The following MYO18B variants were observed in gnomAD, a reference collection of about 807,000 sequenced individuals.
MYO18B encodes unconventional myosin-XVIIIb.
In MYO18B, 204 loss-of-function variants were observed where a neutral mutation model predicts 273.0. That is an observed-to-expected ratio of 0.75 (90% CI 0.67 to 0.84). The LOEUF (loss-of-function observed/expected upper bound fraction) is 0.84. Among genes scored for constraint, MYO18B ranks in the 40% least tolerant of loss-of-function variants. The pLI, the probability that MYO18B is intolerant of heterozygous loss-of-function variation, is 0.00. For synonymous variants in MYO18B, 1,330 were observed against 1,305.7 expected (o/e 1.02, Z -0.40); for missense variants, 3,212 against 3,287.6 (o/e 0.98, Z 0.56).
At chr22:25,833,530 A>C (rs914423982) in intron 16 of MYO18B, among the ~76,000 whole-genome samples, 1 of 152,170 alleles carries the variant, frequency 6.6e-6, no homozygotes, top group African/African-American at 2.4e-5. Context: ...GCTACCCCAG[A>C]TCTGCACCTC....
chr22:25,772,563 G>T, intron 7 of MYO18B, 53 bp downstream of exon 7: 2 of 1,531,558 alleles, frequency 1.3e-6, no homozygotes, highest in Admixed American at 3.9e-5. Flanking sequence ...AGGGGGGCCT[G>T]GGGGGATCCC....
intron 39 of MYO18B, among the ~76,000 whole-genome samples, chr22:25,967,683 A>T (rs1374742067): frequency 1.3e-5 from 2 of 152,172 alleles, no homozygotes; most frequent in African/African-American, 4.8e-5. Context: ...GTTGCAAGTG[A>T]CGGAAACAAA....
chr22:25,806,081 C>T (rs2145803620), intron 12 of MYO18B, among the ~76,000 whole-genome samples: 1 of 152,326 alleles, frequency 6.6e-6, no homozygotes, highest in South Asian at 2.1e-4. Flanking sequence ...CAGGGCCTAG[C>T]ACAGGGCCTG....
intron 42 of MYO18B, among the ~76,000 whole-genome samples, chr22:26,018,366 G>A (rs562843405): frequency 1.3e-5 from 2 of 152,184 alleles, no homozygotes; most frequent in African/African-American, 4.8e-5. Flanking sequence ...TGCTGCTAAT[G>A]TCACCTCCTC....
chr22:25,871,513 A>C (rs1210711491), intron 22 of MYO18B, among the ~76,000 whole-genome samples: 1 of 152,282 alleles, frequency 6.6e-6, no homozygotes, highest in East Asian at 1.9e-4. Flanking sequence ...GATTTTTTTA[A>C]AACCTGGGCC....
chr22:25,783,724 T>A (rs529840994), intron 10 of MYO18B, among the ~76,000 whole-genome samples: 1 of 152,344 alleles, frequency 6.6e-6, no homozygotes, highest in South Asian at 2.1e-4. Flanking sequence ...GGGCCCTCCA[T>A]GCTGGTGGCA....
intron 11 of MYO18B, among the ~76,000 whole-genome samples, chr22:25,793,067 G>A (rs1372765742): frequency 1.3e-5 from 2 of 152,216 alleles, no homozygotes; most frequent in African/African-American, 4.8e-5. Context: ...TCTCTGGAAG[G>A]TGGAACAGCC....
At chr22:25,794,500 GTTTATTA>G (rs1373991651) in intron 11 of MYO18B, among the ~76,000 whole-genome samples, 1 of 149,206 alleles carries the variant, frequency 6.7e-6, no homozygotes, top group African/African-American at 2.5e-5. Context: ...TATTATTATT[GTTTATTA>G]TTTATTTATT....
chr22:25,755,402 C>G (rs1031782274), intron 1 of MYO18B, among the ~76,000 whole-genome samples: 2 of 152,206 alleles, frequency 1.3e-5, no homozygotes, highest in East Asian at 1.9e-4. Context: ...GACGAGCTTT[C>G]TCCATGTTGG....
At chr22:25,955,790 C>T (rs532062053) in intron 39 of MYO18B, among the ~76,000 whole-genome samples, 2 of 152,226 alleles carry the variant, frequency 1.3e-5, no homozygotes, top group East Asian at 1.9e-4. Context: ...AGAATTATTG[C>T]CCCCATTTCA....
the MYO18B span, among the ~76,000 whole-genome samples, chr22:26,037,519 G>A: frequency 1.3e-5 from 2 of 152,066 alleles, no homozygotes; most frequent in Non-Finnish European, 1.5e-5. Context: ...CTGGTTGTCC[G>A]GCCAGTACAG....
At chr22:25,773,195 T>C (rs1485410025) in intron 7 of MYO18B, among the ~76,000 whole-genome samples, 2 of 152,046 alleles carry the variant, frequency 1.3e-5, no homozygotes, top group Non-Finnish European at 2.9e-5. Context: ...CTTCAACCCA[T>C]AGTGATTGAG....
intron 39 of MYO18B, among the ~76,000 whole-genome samples, chr22:25,982,097 T>G (rs2093154708): frequency 6.6e-6 from 1 of 152,168 alleles, no homozygotes; most frequent in South Asian, 2.1e-4. Context: ...TTATGAGATC[T>G]TATTTGCTAA....
At chr22:25,784,160 G>A (rs908223287) in intron 10 of MYO18B, among the ~76,000 whole-genome samples, 1 of 152,156 alleles carries the variant, frequency 6.6e-6, no homozygotes, top group African/African-American at 2.4e-5. Context: ...ACCTGCCAGC[G>A]CAGTCTCCCT....
At chr22:25,925,075 C>T (rs1346879508) in intron 34 of MYO18B, among the ~76,000 whole-genome samples, 4 of 152,202 alleles carry the variant, frequency 2.6e-5, no homozygotes, top group African/African-American at 9.7e-5. Flanking sequence ...ACCCTTACAA[C>T]TTGGTTTGAC....
intron 21 of MYO18B, among the ~76,000 whole-genome samples, chr22:25,857,359 C>T (rs1218382265): frequency 1.3e-5 from 2 of 152,196 alleles, no homozygotes; most frequent in East Asian, 3.9e-4. Context: ...GGCAAAATCT[C>T]TGTCCCTGAG....
intron 36 of MYO18B, among the ~76,000 whole-genome samples, chr22:25,948,491 TC>T: frequency 1.4e-5 from 2 of 141,128 alleles, no homozygotes; most frequent in African/African-American, 5.3e-5. Context: ...TCTTTCTCTT[TC>T]TTTCTTTCCT....
At chr22:25,765,706 G>C (rs770147960) in intron 3 of MYO18B, among the ~76,000 whole-genome samples, 14 of 152,114 alleles carry the variant, frequency 9.2e-5, no homozygotes, top group Non-Finnish European at 1.9e-4. Context: ...GTGGCAGGGT[G>C]GGGGGACCAA....
In MYO18B at chr22:25,742,645, G is replaced by A. The variant is rs114839997; in HGVS notation, c.-110+352G>A. ...TGAATCTTTGCCCGCAGACGTCAGGGTTTATATTTTTCCTCAACTACCAGT... is the reference window on the plus strand; with the variant it reads ...TGAATCTTTGCCCGCAGACGTCAGGATTTATATTTTTCCTCAACTACCAGT... On this transcript the variant is annotated intron_variant, in intron 1 of 43. Transcript: ENST00000335473. Among the ~76,000 whole-genome samples the A allele has an allele frequency of 4.8e-3, 726 of 152,306 alleles. 7 individuals are homozygous for A. Among genetic ancestry groups the A allele is most frequent in the African/African-American group, 0.016 (668 of 41,548 alleles).
Sources: allele counts gnomAD v4.1 joint callset (sites outside exome capture counted in the v4.1 genomes callset), GRCh38; gene constraint gnomAD v4.1.1; transcripts MANE v1.5; gene names NCBI Gene and HGNC (gene_info 2026-07-23, HGNC 2026-07-21).